The following CNBD1 variants were observed in gnomAD, a reference collection of about 807,000 sequenced individuals.
The protein encoded by CNBD1 is cyclic nucleotide binding domain containing 1, also known as cyclic nucleotide-binding domain-containing protein 1.
In CNBD1, 71 loss-of-function variants were observed where a neutral mutation model predicts 54.4. That is an observed-to-expected ratio of 1.30 (90% CI 1.08 to 1.59). CNBD1 has a LOEUF of 1.59. CNBD1 is among the 40% of genes most tolerant of loss of function. CNBD1 has a pLI of 0.00. For synonymous variants in CNBD1, 182 were observed against 170.7 expected (o/e 1.07, Z -0.51); for missense variants, 659 against 518.0 (o/e 1.27, Z -2.64).
At chr8:87,231,672 C>G (rs981289304) in intron 5 of CNBD1, among the ~76,000 whole-genome samples, 9 of 152,100 alleles carry the variant, frequency 5.9e-5, no homozygotes, top group African/African-American at 2.2e-4. Context: ...TTTGCATAAG[C>G]TTCCATTTAA....
chr8:87,024,692 GT>G (rs1431819588), intron 4 of CNBD1, among the ~76,000 whole-genome samples: 1 of 152,046 alleles, frequency 6.6e-6, no homozygotes, highest in African/African-American at 2.4e-5. Flanking sequence ...TTTGGTTTTT[GT>G]AGAAGTAATA....
intron 4 of CNBD1, among the ~76,000 whole-genome samples, chr8:87,101,123 C>A (rs1811421113): frequency 6.6e-6 from 1 of 152,176 alleles, no homozygotes; most frequent in African/African-American, 2.4e-5. Context: ...ATATTTCTAA[C>A]ACAATTTCAA....
At chr8:87,147,828 A>G (rs1308697121) in intron 4 of CNBD1, among the ~76,000 whole-genome samples, 1 of 152,176 alleles carries the variant, frequency 6.6e-6, no homozygotes, top group Non-Finnish European at 1.5e-5. Context: ...CCTGCAATGA[A>G]GGACTGATTG....
intron 4 of CNBD1, among the ~76,000 whole-genome samples, chr8:86,966,115 A>G (rs1808064874): frequency 6.6e-6 from 1 of 152,144 alleles, no homozygotes; most frequent in South Asian, 2.1e-4. Flanking sequence ...AAGAGCCATA[A>G]TGAGTCCCCA....
chr8:87,390,754 G>A (rs941069146), intron 2 of CNBD1, among the ~76,000 whole-genome samples: 3 of 152,088 alleles, frequency 2.0e-5, no homozygotes, highest in African/African-American at 7.2e-5. Context: ...TATACCCGAA[G>A]GCTTATAAAA....
intron 8 of CNBD1, among the ~76,000 whole-genome samples, chr8:87,327,395 C>T (rs541122581): frequency 6.6e-6 from 1 of 151,962 alleles, no homozygotes; most frequent in African/African-American, 2.4e-5. Context: ...GGGCGCCCCT[C>T]CCCCACCCTC....
intron 8 of CNBD1, among the ~76,000 whole-genome samples, chr8:87,307,531 A>T (rs1248376828): frequency 1.3e-5 from 2 of 152,116 alleles, no homozygotes; most frequent in Non-Finnish European, 2.9e-5. Flanking sequence ...TGAGGCTGGG[A>T]CTTCAAGACC....
intron 6 of CNBD1, among the ~76,000 whole-genome samples, chr8:87,259,228 C>T (rs1010552737): frequency 6.6e-6 from 1 of 152,170 alleles, no homozygotes; most frequent in Non-Finnish European, 1.5e-5. Flanking sequence ...TTTAAACAAC[C>T]CGTCACTTTA....
chr8:86,956,684 C>T, intron 4 of CNBD1, among the ~76,000 whole-genome samples: 1 of 152,112 alleles, frequency 6.6e-6, no homozygotes, highest in Non-Finnish European at 1.5e-5. Context: ...GATTTGGTAT[C>T]CTGAGACTTT....
At chr8:87,229,298 T>C (rs1306980030) in intron 5 of CNBD1, among the ~76,000 whole-genome samples, 1 of 151,282 alleles carries the variant, frequency 6.6e-6, no homozygotes, top group East Asian at 1.9e-4. Flanking sequence ...AAATGCTGGT[T>C]TTTTTTTTAA....
intron 2 of CNBD1, among the ~76,000 whole-genome samples, chr8:87,427,450 C>A (rs1006389154): frequency 2.6e-5 from 4 of 152,062 alleles, no homozygotes; most frequent in Non-Finnish European, 4.4e-5. Flanking sequence ...TGGCTTAAAA[C>A]TGACATATTT....
chr8:87,241,518 C>A (rs1174031657), intron 6 of CNBD1, among the ~76,000 whole-genome samples: 1 of 151,956 alleles, frequency 6.6e-6, no homozygotes, highest in African/African-American at 2.4e-5. Context: ...GTGATCCACC[C>A]GCCTCGGCCT....
chr8:86,986,977 G>A (rs1202545860), intron 4 of CNBD1, among the ~76,000 whole-genome samples: 1 of 152,098 alleles, frequency 6.6e-6, no homozygotes, highest in South Asian at 2.1e-4. Context: ...GCTTAGGATT[G>A]CTTTGGCTAT....
rs149280906 is a variant in CNBD1 at position 87,051,802 on chromosome 8, C to T, written c.431+112048C>T. On this transcript the variant is annotated intron_variant, in intron 4 of 10. Coordinates refer to ENST00000518476, the MANE Select transcript of CNBD1 (RefSeq NM_173538.3). ...TCCAGCATGGGCATCATGGCCATCA[C>T]GAACATGTCACAGTGCTGCAGAGAT... 8.0e-3 allele frequency among the ~76,000 whole-genome samples: 1,216 copies of T among 152,294 alleles called. 17 individuals carry two copies. Among genetic ancestry groups the T allele is most frequent in the African/African-American group, 0.027 (1,120 of 41,558 alleles).
chr8:86,968,063 T>G (rs2130484855), intron 4 of CNBD1, among the ~76,000 whole-genome samples: 1 of 152,120 alleles, frequency 6.6e-6, no homozygotes, highest in African/African-American at 2.4e-5. Flanking sequence ...TCCCCTTAGG[T>G]GGGACAGAAT....
chr8:87,303,347 T>A (rs1809057390), intron 8 of CNBD1, among the ~76,000 whole-genome samples: 1 of 151,988 alleles, frequency 6.6e-6, no homozygotes, highest in African/African-American at 2.4e-5. Flanking sequence ...TCTACAAACA[T>A]CTGATCTTTG....
chr8:87,313,851 A>G (rs956115296), intron 8 of CNBD1, among the ~76,000 whole-genome samples: 5 of 151,960 alleles, frequency 3.3e-5, no homozygotes, highest in Non-Finnish European at 7.4e-5. Context: ...AAAACATGTC[A>G]GCAACAAAAA....
chr8:87,294,769 T>C (rs535349228), intron 8 of CNBD1, among the ~76,000 whole-genome samples: 253 of 152,216 alleles, frequency 1.7e-3, no homozygotes, highest in Non-Finnish European at 2.0e-3. Context: ...AGGCTTCTTA[T>C]GGGCCTGTTT....
At chr8:87,151,779 TATAAC>T (rs1192574204) in intron 4 of CNBD1, among the ~76,000 whole-genome samples, 2 of 152,208 alleles carry the variant, frequency 1.3e-5, no homozygotes, top group East Asian at 1.9e-4. Context: ...AAGGCTGTAT[TATAAC>T]ATACTAGTAT....
Sources: gnomAD v4.1 joint callset for allele counts (sites outside exome capture counted in the v4.1 genomes callset) on GRCh38, gnomAD v4.1.1 for gene constraint, MANE v1.5 for transcripts, NCBI Gene and HGNC (gene_info 2026-07-23, HGNC 2026-07-21) for gene names.